CEP63: variants seen among roughly 807,000 people sequenced by gnomAD.
The protein encoded by CEP63 is centrosomal protein 63, also known as centrosomal protein of 63 kDa.
Under a neutral mutation model 89.1 loss-of-function variants are expected in CEP63, and 84 were observed. The observed-to-expected ratio is 0.94, with a 90% CI of 0.79 to 1.13. CEP63 has a LOEUF of 1.13. Among genes scored for constraint, CEP63 ranks in the 50% most tolerant of loss-of-function variants. The pLI is 0.00. For missense variants in CEP63, 838 were observed against 813.3 expected, an observed-to-expected ratio of 1.03 and a Z score of -0.37; for synonymous variants, 267 against 272.5, an observed-to-expected ratio of 0.98 and a Z score of 0.20.
the CEP63 span, among the ~76,000 whole-genome samples, chr3:134,701,977 A>G: frequency 6.6e-6 from 1 of 152,300 alleles, no homozygotes; most frequent in East Asian, 1.9e-4. Context: ...AATCTTTGAT[A>G]TGACTGTATT....
At chr3:134,555,849 C>T (rs1383210463) in intron 12 of CEP63, among the ~76,000 whole-genome samples, 3 of 152,102 alleles carry the variant, frequency 2.0e-5, no homozygotes, top group Non-Finnish European at 4.4e-5. Flanking sequence ...AAGCTGGAGG[C>T]ATCACCCTAC....
At chr3:134,696,815 A>G in the CEP63 span, among the ~76,000 whole-genome samples, 1 of 152,222 alleles carries the variant, frequency 6.6e-6, no homozygotes, top group East Asian at 1.9e-4. Context: ...ATATTCCATC[A>G]TGATATGGAT....
chr3:134,555,074 C>G (rs951745564), intron 12 of CEP63, among the ~76,000 whole-genome samples: 1 of 151,704 alleles, frequency 6.6e-6, no homozygotes, highest in Non-Finnish European at 1.5e-5. Context: ...ATTCAACAAC[C>G]CTTCATGCTA....
At chr3:134,681,964 T>A in the CEP63 span, among the ~76,000 whole-genome samples, 2 of 152,176 alleles carry the variant, frequency 1.3e-5, no homozygotes, top group African/African-American at 2.4e-5. Flanking sequence ...CCTTGGCTGC[T>A]CTAGTTACAC....
chr3:134,536,545 G>T (rs1950811142), intron 5 of CEP63: 1 of 157,792 alleles, frequency 6.3e-6, no homozygotes, highest in African/African-American at 2.4e-5. Flanking sequence ...GTTTGGCTTT[G>T]GGTTACAAAT....
At chr3:134,595,017 C>G in the CEP63 span, among the ~76,000 whole-genome samples, 1 of 152,174 alleles carries the variant, frequency 6.6e-6, no homozygotes, top group Non-Finnish European at 1.5e-5. Flanking sequence ...GGTTGTCAGT[C>G]CATGGGCTAG....
the CEP63 span, among the ~76,000 whole-genome samples, chr3:134,726,455 GACAGACACAC>G: frequency 0.034 from 1,737 of 51,088 alleles, 51 homozygotes; most frequent in African/African-American, 0.074. Flanking sequence ...CAGGCACACA[GACAGACACAC>G]ACACACACAC....
the CEP63 span, among the ~76,000 whole-genome samples, chr3:134,733,431 A>G: frequency 6.6e-6 from 1 of 152,180 alleles, no homozygotes; most frequent in African/African-American, 2.4e-5. Flanking sequence ...CATGCAAAAA[A>G]TTTAAGCTTC....
At chr3:134,722,177 A>G in the CEP63 span, among the ~76,000 whole-genome samples, 3 of 152,174 alleles carry the variant, frequency 2.0e-5, no homozygotes, top group Admixed American at 6.5e-5. Context: ...CAGATTTTCT[A>G]TATCTTCCCA....
chr3:134,542,405 C>T (rs1181635450), intron 6 of CEP63, among the ~76,000 whole-genome samples: 1 of 152,130 alleles, frequency 6.6e-6, no homozygotes, highest in Non-Finnish European at 1.5e-5. Context: ...ATAGACACAA[C>T]AGTGATAAGA....
At chr3:134,748,172 A>G in the CEP63 span, among the ~76,000 whole-genome samples, 9 of 152,112 alleles carry the variant, frequency 5.9e-5, no homozygotes, top group South Asian at 2.1e-4. Flanking sequence ...TTCCTGCAAG[A>G]CGGAGTCCCA....
At chr3:134,650,981 C>G in the CEP63 span, 2 of 1,612,756 alleles carry the variant, frequency 1.2e-6, no homozygotes, top group Non-Finnish European at 1.7e-6. Flanking sequence ...CCTTTCCGAC[C>G]TGGGCGCCGC....
chr3:134,494,600 A>G (rs898367905), intron 1 of CEP63, among the ~76,000 whole-genome samples: 2 of 152,186 alleles, frequency 1.3e-5, no homozygotes, highest in African/African-American at 4.8e-5. Flanking sequence ...TGAGCTCTGC[A>G]GCTGCAGAGA....
chr3:134,618,406 G>A, the CEP63 span, among the ~76,000 whole-genome samples: 5 of 152,188 alleles, frequency 3.3e-5, no homozygotes, highest in Admixed American at 1.3e-4. Context: ...ACAGTGGGCC[G>A]CTGTTCATCC....
At chr3:134,636,264 A>T in the CEP63 span, among the ~76,000 whole-genome samples, 3 of 152,236 alleles carry the variant, frequency 2.0e-5, no homozygotes. Flanking sequence ...GTAGTGCAAG[A>T]GAATGCCCAT....
At chr3:134,756,072 CT>C in the CEP63 span, among the ~76,000 whole-genome samples, 1 of 152,212 alleles carries the variant, frequency 6.6e-6, no homozygotes, top group East Asian at 1.9e-4. Context: ...TAATTGAGCC[CT>C]TTGTGCTGGG....
intron 9 of CEP63, among the ~76,000 whole-genome samples, chr3:134,548,481 A>G (rs1256306564): frequency 6.6e-6 from 1 of 152,134 alleles, no homozygotes; most frequent in Non-Finnish European, 1.5e-5. Context: ...TAACCTCTCA[A>G]CTTTTTGATT....
downstream of CEP63, among the ~76,000 whole-genome samples, chr3:134,587,960 C>T (rs977411491): frequency 3.3e-5 from 5 of 152,018 alleles, no homozygotes; most frequent in African/African-American, 9.7e-5. Flanking sequence ...AAGAAGATTC[C>T]ACCCCAAAAT....
chr3:134,643,504 T>A, the CEP63 span: 2 of 699,172 alleles, frequency 2.9e-6, no homozygotes, highest in East Asian at 5.3e-5. Flanking sequence ...CAGGCCTAAA[T>A]GTGTGCACAC....
Sources: allele counts gnomAD v4.1 joint callset (sites outside exome capture counted in the v4.1 genomes callset), GRCh38; gene constraint gnomAD v4.1.1; transcripts MANE v1.5; gene names NCBI Gene and HGNC (gene_info 2026-07-23, HGNC 2026-07-21).